PCDH15: variants seen among roughly 807,000 people sequenced by gnomAD.
PCDH15 encodes the protein protocadherin related 15.
A neutral mutation model predicts 178.5 loss-of-function variants in PCDH15; 129 were observed. The observed-to-expected ratio is 0.72, with a 90% CI of 0.63 to 0.84. The LOEUF is 0.84. Ranked by LOEUF, PCDH15 falls within the 40% of genes least tolerant of loss-of-function variation. The pLI is 0.00. For missense variants in PCDH15, 2,230 were observed against 2,099.9 expected, an observed-to-expected ratio of 1.06 and a Z score of -1.21; for synonymous variants, 800 against 732.0, an observed-to-expected ratio of 1.09 and a Z score of -1.50.
chr10:54,532,662 C>A (rs2132759977), intron 2 of PCDH15, among the ~76,000 whole-genome samples: 1 of 152,214 alleles, frequency 6.6e-6, no homozygotes, highest in African/African-American at 2.4e-5. Context: ...TACATTAATT[C>A]CCTTTTTTCT....
intron 21 of PCDH15, among the ~76,000 whole-genome samples, chr10:53,966,444 C>T (rs2089029497): frequency 6.6e-6 from 1 of 152,080 alleles, no homozygotes; most frequent in Admixed American, 6.6e-5. Flanking sequence ...TCCCTCCTTT[C>T]CTTTCTTTAC....
intron 1 of PCDH15, among the ~76,000 whole-genome samples, chr10:54,676,865 C>A (rs1012424716): frequency 1.3e-5 from 2 of 152,056 alleles, no homozygotes; most frequent in Non-Finnish European, 2.9e-5. Flanking sequence ...TGAAATAAAT[C>A]AAAATCAAGG....
At chr10:54,445,914 G>T (rs1157696140) in intron 3 of PCDH15, among the ~76,000 whole-genome samples, 1 of 151,482 alleles carries the variant, frequency 6.6e-6, no homozygotes, top group Non-Finnish European at 1.5e-5. Flanking sequence ...TTAGCAGGTT[G>T]CATTTCAGTT....
At chr10:54,006,532 C>A (rs1212660090) in intron 20 of PCDH15, among the ~76,000 whole-genome samples, 1 of 152,134 alleles carries the variant, frequency 6.6e-6, no homozygotes, top group Non-Finnish European at 1.5e-5. Context: ...GAGTCTGGGA[C>A]AACCTCCTGG....
At chr10:55,313,490 A>G (rs1326757206) in intron 1 of PCDH15, among the ~76,000 whole-genome samples, 1 of 152,184 alleles carries the variant, frequency 6.6e-6, no homozygotes, top group East Asian at 1.9e-4. Context: ...GGCGTTACGG[A>G]TGTTGAAAGA....
At chr10:53,861,951 A>G (rs1407851394) in intron 27 of PCDH15, among the ~76,000 whole-genome samples, 1 of 152,120 alleles carries the variant, frequency 6.6e-6, no homozygotes, top group Non-Finnish European at 1.5e-5. Flanking sequence ...CATTTAGATA[A>G]TTATGTATTT....
chr10:54,591,935 A>T lies in PCDH15; in HGVS notation c.92-64058T>A, dbSNP rs566012842. 6.6e-5 allele frequency among the ~76,000 whole-genome samples: 10 copies of T among 152,236 alleles called. No individual in the cohort carries two copies. In the South Asian group the frequency reaches 1.7e-3, roughly 25 times the overall value. On this transcript the variant is annotated intron_variant, in intron 2 of 37. Coordinates refer to ENST00000644397, the MANE Select transcript of PCDH15 (RefSeq NM_001384140.1). Reference sequence around the variant, plus strand: ...ACATGACCCAATCTTGTCAGAACCCAATGTGAAGCTTCAAGTGTACAGGAA... The same window carrying T: ...ACATGACCCAATCTTGTCAGAACCCTATGTGAAGCTTCAAGTGTACAGGAA...
At chr10:54,686,048 T>A (rs2094995722) in intron 1 of PCDH15, among the ~76,000 whole-genome samples, 1 of 147,516 alleles carries the variant, frequency 6.8e-6, no homozygotes, top group African/African-American at 2.5e-5. Flanking sequence ...CCAATTTTTT[T>A]TTTTTTTTTT....
intron 8 of PCDH15, among the ~76,000 whole-genome samples, chr10:54,262,729 G>T (rs769350482): frequency 3.3e-5 from 5 of 152,156 alleles, no homozygotes; most frequent in Admixed American, 6.5e-5. Context: ...GGGCATGGGA[G>T]CTGGACACCC....
intron 3 of PCDH15, among the ~76,000 whole-genome samples, chr10:54,479,659 C>A (rs1296165464): frequency 6.6e-6 from 1 of 151,902 alleles, no homozygotes; most frequent in East Asian, 1.9e-4. Context: ...TATTTGCCCT[C>A]CCGCTACTTA....
chr10:55,024,090 T>C (rs1481377866), intron 2 of PCDH15, among the ~76,000 whole-genome samples: 1 of 128,460 alleles, frequency 7.8e-6, no homozygotes, highest in East Asian at 2.3e-4. Context: ...TATATATATA[T>C]AGGAAGGAAT....
chr10:54,162,274 G>A (rs1336102490), intron 13 of PCDH15, among the ~76,000 whole-genome samples: 2 of 151,980 alleles, frequency 1.3e-5, no homozygotes, highest in Non-Finnish European at 2.9e-5. Flanking sequence ...ATGTTCCTCT[G>A]CCTTCAGAGA....
At chr10:55,408,956 CTTG>C (rs1173260777) in intron 2 of PCDH15, among the ~76,000 whole-genome samples, 8 of 152,010 alleles carry the variant, frequency 5.3e-5, no homozygotes, top group Admixed American at 5.2e-4. Context: ...TTTTTCTTTA[CTTG>C]GCATTATGTT....
chr10:55,597,267 T>TACGTACGTTCACGCAC (rs1286253803), intron 2 of PCDH15: 6 of 151,994 alleles, frequency 3.9e-5, no homozygotes, highest in African/African-American at 9.7e-5. Flanking sequence ...TTCACGCACA[T>TACGTACGTTCACGCAC]ACGTACGTTC....
At chr10:54,698,448 G>A (rs569081045) in intron 1 of PCDH15, among the ~76,000 whole-genome samples, 28 of 152,162 alleles carry the variant, frequency 1.8e-4, no homozygotes, top group Admixed American at 1.1e-3. Context: ...GAAGGATTCC[G>A]AGGGTGTCTG....
chr10:53,882,428 G>C, intron 26 of PCDH15, among the ~76,000 whole-genome samples: 1 of 152,054 alleles, frequency 6.6e-6, no homozygotes, highest in East Asian at 1.9e-4. Context: ...GCTGGACTTC[G>C]TCGCCCCCAC....
intron 3 of PCDH15, among the ~76,000 whole-genome samples, chr10:54,889,500 G>GAGATAT (rs1554811033): frequency 1.4e-5 from 2 of 142,016 alleles, no homozygotes; most frequent in South Asian, 2.3e-4. Flanking sequence ...TAATTGTGAA[G>GAGATAT]ATATATATAT....
intron 13 of PCDH15, 59 bp from the exon 14 acceptor site, chr10:54,153,352 G>C (rs1043289273): frequency 1.2e-5 from 19 of 1,572,814 alleles, no homozygotes; most frequent in Non-Finnish European, 1.6e-5. Flanking sequence ...CCACCATGTC[G>C]TTTTTTCCCC....
At chr10:55,435,412 T>C (rs11004859) in intron 2 of PCDH15, among the ~76,000 whole-genome samples, 55,245 of 152,008 alleles carry the variant, frequency 0.36, 10,706 homozygotes, top group African/African-American at 0.51. Context: ...AATAGTTAAT[T>C]AAATAATTTA....
Sources: gnomAD v4.1 joint callset for allele counts (sites outside exome capture counted in the v4.1 genomes callset) on GRCh38, gnomAD v4.1.1 for gene constraint, MANE v1.5 for transcripts, NCBI Gene and HGNC (gene_info 2026-07-23, HGNC 2026-07-21) for gene names.